The following ELP4 variants were observed in gnomAD, a reference collection of about 807,000 sequenced individuals.
ELP4 encodes the protein elongator acetyltransferase complex subunit 4, also known as elongator complex protein 4.
In ELP4, 51 loss-of-function variants were observed where a neutral mutation model predicts 48.9. That is an observed-to-expected ratio of 1.04 (90% CI 0.83 to 1.32). The LOEUF is 1.32. ELP4 is among the 40% of genes most tolerant of loss of function. The pLI is 0.00. For synonymous variants in ELP4, 210 were observed against 189.2 expected (o/e 1.11, Z -0.90); for missense variants, 519 against 514.6 (o/e 1.01, Z -0.08).
In ELP4 at chr11:31,668,327, C is replaced by T. The variant is rs538727498; in HGVS notation, c.1143+18106C>T. 2.0e-5 allele frequency among the ~76,000 whole-genome samples: 3 copies of T among 152,200 alleles called. No individual in the cohort carries two copies. In the South Asian group the frequency reaches 6.2e-4, roughly 32 times the overall value. ...ACAATTATCCTGAAAAATGCCTTAA[C>T]ACCATCACATGAGGCAAAATTATTA... On this transcript the variant is annotated intron_variant, in intron 9 of 9. Transcript: ENST00000640961.
chr11:31,561,890 TG>T (rs1957030721), intron 3 of ELP4, among the ~76,000 whole-genome samples: 1 of 152,236 alleles, frequency 6.6e-6, no homozygotes, highest in South Asian at 2.1e-4. Flanking sequence ...AACAGTTTGA[TG>T]GCTTTAATTT....
rs776244636 is a variant in ELP4, at chr11:31,790,015, G to T, written c.*6491G>T. 1 of 1,553,108 alleles carries T rather than the reference G, an allele frequency of 6.4e-7. No homozygotes were observed. Among genetic ancestry groups the T allele is most frequent in the Non-Finnish European group, 8.7e-7 (1 of 1,152,954 alleles). The stretch of plus-strand genomic sequence containing the variant: ...CTGGAACTGACACACCAGGGGAAAT[G>T]AGTCCTAGAAGTGGATGAAAGAAAT... On this transcript the variant is annotated 3_prime_UTR_variant, in exon 10 of 10. Coordinates refer to ENST00000640961, the MANE Select transcript of ELP4 (RefSeq NM_019040.5).
At chr11:31,716,951 A>G (rs889217518) in intron 9 of ELP4, among the ~76,000 whole-genome samples, 2 of 152,264 alleles carry the variant, frequency 1.3e-5, no homozygotes, top group African/African-American at 4.8e-5. Flanking sequence ...CTAGGACTAG[A>G]ATAATGGATG....
chr11:31,685,654 C>T (rs1309394242), intron 9 of ELP4, among the ~76,000 whole-genome samples: 4 of 151,938 alleles, frequency 2.6e-5, no homozygotes, highest in East Asian at 3.9e-4. Flanking sequence ...TATTTCTGGC[C>T]GGGTGTGGTG....
chr11:31,545,106 C>A (rs1423022685), intron 3 of ELP4, among the ~76,000 whole-genome samples: 2 of 152,170 alleles, frequency 1.3e-5, no homozygotes, highest in Non-Finnish European at 2.9e-5. Flanking sequence ...GATTGCAGTT[C>A]CTCACCAGCA....
At chr11:31,588,904 G>A in intron 3 of ELP4, among the ~76,000 whole-genome samples, 1 of 152,230 alleles carries the variant, frequency 6.6e-6, no homozygotes, top group Middle Eastern at 3.4e-3. Flanking sequence ...AATGGCTTGA[G>A]CCCAGGAGGT....
chr11:31,537,103 CTTT>C (rs1382724734), intron 2 of ELP4, among the ~76,000 whole-genome samples: 1 of 152,068 alleles, frequency 6.6e-6, no homozygotes, highest in Non-Finnish European at 1.5e-5. Context: ...ATTATTTCAG[CTTT>C]TTTGTTTAAC....
intron 9 of ELP4, among the ~76,000 whole-genome samples, chr11:31,747,152 A>G (rs1592277022): frequency 6.6e-6 from 1 of 152,138 alleles, no homozygotes; most frequent in African/African-American, 2.4e-5. Context: ...TTTTTAATGA[A>G]CTTACAGTCA....
intron 9 of ELP4, among the ~76,000 whole-genome samples, chr11:31,762,922 T>G (rs1193045677): frequency 6.6e-6 from 1 of 151,874 alleles, no homozygotes; most frequent in Non-Finnish European, 1.5e-5. Context: ...TTGAATATTA[T>G]ATATAGGAAA....
intron 2 of ELP4, among the ~76,000 whole-genome samples, chr11:31,531,053 C>T (rs535193901): frequency 1.3e-5 from 2 of 152,274 alleles, no homozygotes; most frequent in South Asian, 2.1e-4. Context: ...TATTGTACAA[C>T]CTCAAAATTT....
intron 3 of ELP4, among the ~76,000 whole-genome samples, chr11:31,548,968 C>G (rs1363171201): frequency 6.6e-6 from 1 of 152,140 alleles, no homozygotes; most frequent in Middle Eastern, 3.4e-3. Context: ...TTCCTTACAC[C>G]TTATACAAAA....
intron 9 of ELP4, among the ~76,000 whole-genome samples, chr11:31,678,474 A>G (rs1338311656): frequency 1.4e-5 from 2 of 147,538 alleles, no homozygotes; most frequent in African/African-American, 5.0e-5. Flanking sequence ...AATTGTTATT[A>G]TTTATTGCAT....
chr11:31,768,123 ATTTTTTTTTCT>A (rs1565147103), intron 9 of ELP4, among the ~76,000 whole-genome samples: 3 of 151,716 alleles, frequency 2.0e-5, no homozygotes, highest in African/African-American at 7.3e-5. Flanking sequence ...GATACTTAAG[ATTTTTTTTTCT>A]AAATTTTACC....
At chr11:31,710,467 A>G (rs1033459683) in intron 9 of ELP4, among the ~76,000 whole-genome samples, 1 of 152,132 alleles carries the variant, frequency 6.6e-6, no homozygotes. Flanking sequence ...TCCACTAAAA[A>G]TACAAAAATC....
chr11:31,568,715 G>C (rs577826259), intron 3 of ELP4, among the ~76,000 whole-genome samples: 1 of 152,274 alleles, frequency 6.6e-6, no homozygotes, highest in African/African-American at 2.4e-5. Flanking sequence ...TGGGAAAACT[G>C]GCTATCCACG....
intron 2 of ELP4, among the ~76,000 whole-genome samples, chr11:31,537,705 C>T (rs1162690978): frequency 1.3e-5 from 2 of 152,076 alleles, no homozygotes; most frequent in Non-Finnish European, 2.9e-5. Flanking sequence ...AACCAGATCT[C>T]ATGATAACTC....
At chr11:31,667,905 G>A (rs17714935) in intron 9 of ELP4, among the ~76,000 whole-genome samples, 55,523 of 151,948 alleles carry the variant, frequency 0.37, 12,172 homozygotes, top group East Asian at 0.63. Context: ...ATCATACTCC[G>A]TTACTCCTCC....
At chr11:31,658,978 T>C (rs1245129754) in intron 9 of ELP4, among the ~76,000 whole-genome samples, 1 of 152,062 alleles carries the variant, frequency 6.6e-6, no homozygotes, top group Non-Finnish European at 1.5e-5. Context: ...AATATTATGA[T>C]TGTAAAATGT....
intron 3 of ELP4, among the ~76,000 whole-genome samples, chr11:31,593,666 C>T (rs1045517299): frequency 2.0e-5 from 3 of 152,008 alleles, no homozygotes; most frequent in Admixed American, 1.3e-4. Flanking sequence ...TTCTAGTTGC[C>T]GAATTCAAAC....
Sources: allele counts gnomAD v4.1 joint callset (sites outside exome capture counted in the v4.1 genomes callset), GRCh38; gene constraint gnomAD v4.1.1; transcripts MANE v1.5; gene names NCBI Gene and HGNC (gene_info 2026-07-23, HGNC 2026-07-21).